The following QRFPR variants were observed in gnomAD, a reference collection of about 807,000 sequenced individuals.
The protein encoded by QRFPR is pyroglutamylated RF-amide peptide receptor.
Under a neutral mutation model 31.3 loss-of-function variants are expected in QRFPR, and 37 were observed. The observed-to-expected ratio is 1.18, with a 90% CI of 0.91 to 1.56. QRFPR has a LOEUF of 1.56. Among genes scored for constraint, QRFPR ranks in the 40% most tolerant of loss-of-function variants. The pLI, the probability that QRFPR is intolerant of heterozygous loss-of-function variation, is 0.00. For synonymous variants in QRFPR, 197 were observed against 192.0 expected, an observed-to-expected ratio of 1.03 and a Z score of -0.22; for missense variants, 542 against 532.5, an observed-to-expected ratio of 1.02 and a Z score of -0.18.
At chr4:121,339,075 C>T (rs1004887384) in intron 2 of QRFPR, among the ~76,000 whole-genome samples, 4 of 152,174 alleles carry the variant, frequency 2.6e-5, no homozygotes, top group Non-Finnish European at 5.9e-5. Context: ...CCTAATGATT[C>T]AGCTATTATT....
At chr4:121,363,600 A>G (rs1726031238) in intron 1 of QRFPR, among the ~76,000 whole-genome samples, 1 of 150,226 alleles carries the variant, frequency 6.7e-6, no homozygotes, top group Non-Finnish European at 1.5e-5. Flanking sequence ...AGGAAATACA[A>G]TGAAGGTAGA....
At chr4:121,363,825 G>A (rs1726034548) in intron 1 of QRFPR, among the ~76,000 whole-genome samples, 1 of 149,778 alleles carries the variant, frequency 6.7e-6, no homozygotes, top group East Asian at 2.0e-4. Context: ...CCCTGTACTG[G>A]CCATTTAATT....
Position 121,380,188 on chromosome 4 carries a change from A to AGAGAGAGGGAGG in QRFPR, c.340+119_340+120insCCTCCCTCTCTC. 3 of 94,472 alleles carry AGAGAGAGGGAGG rather than the reference A, an allele frequency of 3.2e-5. 1 individual carries two copies. The South Asian group carries it at 7.1e-4, about 22-fold the overall frequency. The allele number at this position is 94,472 out of a possible 1,614,324, so 5.9% of individuals were successfully genotyped here. A position where few individuals can be genotyped will look rare whatever the true frequency, so the allele number is the denominator to read the frequency against. ...GAGAGAGACAGACAGACGAGAGAGGAGAGAGAGAGAGAGAGAGAGAGAGAG... is the reference window on the plus strand; with the variant it reads ...GAGAGAGACAGACAGACGAGAGAGGAGAGAGAGGGAGGGAGAGAGAGAGAGAGAGAGAGAGAG... On this transcript the variant is annotated intron_variant, in intron 1 of 5. Coordinates refer to ENST00000394427, the MANE Select transcript of QRFPR (RefSeq NM_198179.3).
intron 2 of QRFPR, among the ~76,000 whole-genome samples, chr4:121,337,416 C>T (rs1410777902): frequency 1.3e-5 from 2 of 152,190 alleles, no homozygotes; most frequent in African/African-American, 4.8e-5. Flanking sequence ...CCCTCTAGTG[C>T]AGTGTCTTCG....
intron 2 of QRFPR, among the ~76,000 whole-genome samples, chr4:121,339,670 C>G (rs1725500625): frequency 6.6e-6 from 1 of 152,250 alleles, no homozygotes; most frequent in East Asian, 1.9e-4. Flanking sequence ...GGTGCAGTGG[C>G]TCACACCGGT....
At position 121,357,539 on chromosome 4, in the gene QRFPR, C is replaced by T. The variant is rs148824776; in HGVS notation, c.341-16929G>A. Among the ~76,000 whole-genome samples, 11 of 152,248 alleles carry T rather than the reference C, an allele frequency of 7.2e-5. No homozygotes were observed. In the East Asian group the frequency reaches 2.1e-3, roughly 29 times the overall value. Reference sequence around the variant, plus strand: ...AAAGGCAGATATTCAGATTCCCTCCCAATTCAACTCCCTTCCCCTACACTG... The same window carrying T: ...AAAGGCAGATATTCAGATTCCCTCCTAATTCAACTCCCTTCCCCTACACTG... On this transcript the variant is annotated intron_variant, in intron 1 of 5. Coordinates refer to ENST00000394427, the MANE Select transcript of QRFPR (RefSeq NM_198179.3).
chr4:121,343,394 C>T (rs1258310898), intron 1 of QRFPR, among the ~76,000 whole-genome samples: 1 of 152,180 alleles, frequency 6.6e-6, no homozygotes, highest in African/African-American at 2.4e-5. Flanking sequence ...CAAATGGCAA[C>T]CCAAGAACCA....
At chr4:121,360,913 C>T (rs935433708) in intron 1 of QRFPR, among the ~76,000 whole-genome samples, 2 of 152,206 alleles carry the variant, frequency 1.3e-5, no homozygotes, top group Admixed American at 6.5e-5. Context: ...AAGCACCTTC[C>T]ACAACATACA....
At chr4:121,375,105 C>T (rs910398695) in intron 1 of QRFPR, among the ~76,000 whole-genome samples, 1 of 152,180 alleles carries the variant, frequency 6.6e-6, no homozygotes, top group Non-Finnish European at 1.5e-5. Flanking sequence ...TGCTTAGAGT[C>T]ATAAAGCAGG....
intron 1 of QRFPR, 118 bp downstream of exon 1, chr4:121,380,186 GGAGA>G (rs70950816): frequency 0.015 from 3,452 of 231,540 alleles, 13 homozygotes; most frequent in East Asian, 0.034. Context: ...AGACGAGAGA[GGAGA>G]GAGAGAGAGA....
chr4:121,336,670 A>C (rs1725442613), intron 3 of QRFPR, 137 bp downstream of exon 3: 5 of 745,994 alleles, frequency 6.7e-6, no homozygotes, highest in South Asian at 6.0e-5. Flanking sequence ...ATTTTATTCC[A>C]CTTAAAAGAC....
intron 2 of QRFPR, among the ~76,000 whole-genome samples, chr4:121,339,749 T>C (rs1334032036): frequency 6.6e-6 from 1 of 151,204 alleles, no homozygotes; most frequent in East Asian, 1.9e-4. Context: ...AGCCCAGGAG[T>C]TCAAGACCAG....
At chr4:121,350,517 T>G (rs1178784463) in intron 1 of QRFPR, among the ~76,000 whole-genome samples, 1 of 152,216 alleles carries the variant, frequency 6.6e-6, no homozygotes, top group Middle Eastern at 3.2e-3. Flanking sequence ...ACAAGTCTTC[T>G]TTGCAAGAGT....
At chr4:121,343,244 A>G (rs1444027327) in intron 1 of QRFPR, among the ~76,000 whole-genome samples, 4 of 152,208 alleles carry the variant, frequency 2.6e-5, no homozygotes, top group Non-Finnish European at 4.4e-5. Context: ...TGAACTTGAA[A>G]TCAACTTGAA....
intron 1 of QRFPR, among the ~76,000 whole-genome samples, chr4:121,365,531 TATA>T (rs1726085469): frequency 4.8e-4 from 3 of 6,208 alleles, no homozygotes; most frequent in African/African-American, 1.8e-3. Flanking sequence ...ATATATTATA[TATA>T]ATATATATTA....
At chr4:121,338,678 C>T (rs1725480588) in intron 2 of QRFPR, among the ~76,000 whole-genome samples, 1 of 152,204 alleles carries the variant, frequency 6.6e-6, no homozygotes, top group Non-Finnish European at 1.5e-5. Flanking sequence ...GACTGACAAA[C>T]ACTGACTGAC....
chr4:121,368,441 A>G (rs1726167991), intron 1 of QRFPR, among the ~76,000 whole-genome samples: 1 of 150,584 alleles, frequency 6.6e-6, no homozygotes, highest in Non-Finnish European at 1.5e-5. Flanking sequence ...AAAGTGCAAG[A>G]AAGGCTCTGC....
Position 121,329,707 on chromosome 4 carries a change from A to G in QRFPR, c.903T>C (p.Phe301=). ...VVHMMIEYSN[F]EKEYDDVTIK... ...TTGTGACATCATCATATTCCTTTTC[A>G]AAATTACCTGAAATAAAGTAATATT... is the stretch of plus-strand genomic sequence containing the variant. The change falls in exon 6 of 6, where the codon TTT becomes TTC. Residue 301 remains phenylalanine (F), a synonymous_variant. Coordinates refer to ENST00000394427, the MANE Select transcript of QRFPR (RefSeq NM_198179.3). 1 of 1,516,096 alleles carries G rather than the reference A, an allele frequency of 6.6e-7. No homozygotes were observed. Among genetic ancestry groups the G allele is most frequent in the Non-Finnish European group, 8.9e-7 (1 of 1,128,366 alleles). 93.9% of individuals were successfully genotyped at this position (1,516,096 alleles called of 1,614,324 possible).
intron 1 of QRFPR, among the ~76,000 whole-genome samples, chr4:121,359,710 T>C (rs1725946722): frequency 2.0e-5 from 3 of 150,106 alleles, no homozygotes; most frequent in African/African-American, 7.6e-5. Context: ...TGTATGTGTG[T>C]GTGTGTATAT....
Sources: gnomAD v4.1 joint callset for allele counts (sites outside exome capture counted in the v4.1 genomes callset) on GRCh38, gnomAD v4.1.1 for gene constraint, MANE v1.5 for transcripts, NCBI Gene and HGNC (gene_info 2026-07-23, HGNC 2026-07-21) for gene names.